LMO7: variants seen among roughly 807,000 people sequenced by gnomAD.
The protein encoded by LMO7 is LIM domain 7.
LMO7 carries 120 observed loss-of-function variants against 206.5 expected under a neutral mutation model. That is an observed-to-expected ratio of 0.58 (90% CI 0.50 to 0.68). The LOEUF (loss-of-function observed/expected upper bound fraction) is 0.68. Ranked by LOEUF, LMO7 falls within the 30% of genes least tolerant of loss-of-function variation. The pLI is 0.00. For synonymous variants in LMO7, 706 were observed against 681.5 expected (o/e 1.04, Z -0.56); for missense variants, 1,959 against 1,957.9 (o/e 1.00, Z -0.01).
intron 3 of LMO7, among the ~76,000 whole-genome samples, chr13:75,733,415 T>C (rs1292085973): frequency 1.3e-5 from 2 of 152,210 alleles, no homozygotes; most frequent in Admixed American, 6.5e-5. Context: ...TCCGTGGGCG[T>C]AGGACCCTCC....
intron 3 of LMO7, among the ~76,000 whole-genome samples, chr13:75,759,644 A>G (rs1365734014): frequency 1.3e-5 from 2 of 152,168 alleles, no homozygotes; most frequent in Non-Finnish European, 2.9e-5. Context: ...CTCACAGTAG[A>G]TTGGAATGAC....
intron 1 of LMO7, among the ~76,000 whole-genome samples, chr13:75,651,565 C>T (rs535058380): frequency 2.0e-5 from 3 of 152,240 alleles, no homozygotes; most frequent in East Asian, 1.9e-4. Flanking sequence ...CTGCCTCAGC[C>T]GATCCACCTG....
chr13:75,791,811 G>A (rs2053323585), intron 4 of LMO7, among the ~76,000 whole-genome samples: 2 of 152,150 alleles, frequency 1.3e-5, no homozygotes, highest in South Asian at 4.1e-4. Flanking sequence ...TCACAGAGTT[G>A]TTGTTCTTTG....
chr13:75,810,790 G>A (rs2056275770), intron 11 of LMO7, among the ~76,000 whole-genome samples: 1 of 152,332 alleles, frequency 6.6e-6, no homozygotes, highest in East Asian at 1.9e-4. Context: ...CATTTCAGTG[G>A]CTGGATGTGT....
chr13:75,838,487 T>A, intron 20 of LMO7: 1 of 534,886 alleles, frequency 1.9e-6, no homozygotes. Flanking sequence ...GAGATGCTCT[T>A]AAACACACAC....
chr13:75,747,153 GA>G (rs111985063), intron 3 of LMO7, among the ~76,000 whole-genome samples: 75 of 151,072 alleles, frequency 5.0e-4, no homozygotes, highest in South Asian at 1.7e-3. Flanking sequence ...ATTTTAGTTG[GA>G]AAAAAAAATC....
chr13:75,628,663 C>T (rs541893078), intron 2 of LMO7: 15 of 152,270 alleles, frequency 9.9e-5, no homozygotes, highest in South Asian at 6.2e-4. Flanking sequence ...TAAGGGCAGA[C>T]GCTTTTTTGA....
At chr13:75,636,130 C>T, upstream of LMO7, 1 of 214,058 alleles carries the variant, frequency 4.7e-6, no homozygotes, top group Non-Finnish European at 8.0e-6. Flanking sequence ...CAGCGGGGCC[C>T]GGGCCGCGGC....
rs1285578295 is a variant in LMO7 at position 75,835,305 on chromosome 13, TAAC to T, written c.3303_3305del (p.Thr1102del). The T allele has an allele frequency of 6.2e-7, 1 of 1,607,316 alleles. No homozygotes were observed. Among genetic ancestry groups the T allele is most frequent in the Admixed American group, 1.7e-5 (1 of 58,942 alleles). On this transcript the variant is annotated inframe_deletion, in exon 18 of 31. Coordinates refer to ENST00000377534, the MANE Select transcript of LMO7 (RefSeq NM_001306080.2). ...TCAGAAAAATCTTCAAATCTATCTGTAACAACTGATTTCTCCGAAAGCCTTCAG... is the reference window on the plus strand; with the variant it reads ...TCAGAAAAATCTTCAAATCTATCTGTAACTGATTTCTCCGAAAGCCTTCAG...
At chr13:75,677,907 C>T (rs2040158548) in intron 1 of LMO7, among the ~76,000 whole-genome samples, 1 of 150,224 alleles carries the variant, frequency 6.7e-6, no homozygotes, top group South Asian at 2.1e-4. Context: ...GTTTTTTGTC[C>T]TTGCGATAGT....
intron 17 of LMO7, among the ~76,000 whole-genome samples, chr13:75,834,604 T>C (rs936356855): frequency 2.6e-5 from 4 of 152,244 alleles, no homozygotes; most frequent in African/African-American, 9.6e-5. Context: ...ACATTATTTA[T>C]TGACTGATTC....
At chr13:75,734,249 A>G (rs780097290) in intron 3 of LMO7, among the ~76,000 whole-genome samples, 6 of 152,218 alleles carry the variant, frequency 3.9e-5, no homozygotes, top group South Asian at 4.1e-4. Flanking sequence ...AGACGGGGTA[A>G]GACATTTCAG....
At chr13:75,768,912 C>T (rs970552704) in intron 4 of LMO7, among the ~76,000 whole-genome samples, 2 of 151,978 alleles carry the variant, frequency 1.3e-5, no homozygotes, top group Non-Finnish European at 2.9e-5. Flanking sequence ...ACACTAACAA[C>T]ATGAAAAATC....
chr13:75,779,648 C>T (rs184390413), intron 4 of LMO7, among the ~76,000 whole-genome samples: 10 of 152,242 alleles, frequency 6.6e-5, no homozygotes, highest in Non-Finnish European at 1.3e-4. Context: ...AGTGCATGTG[C>T]GTGCATGTGC....
chr13:75,760,899 A>T (rs1208561122), intron 3 of LMO7, 33 bp from the exon 4 acceptor site: 1 of 1,611,758 alleles, frequency 6.2e-7, no homozygotes, highest in Non-Finnish European at 8.5e-7. Flanking sequence ...GAGAGAGCTC[A>T]GCTAAGCAAT....
intron 4 of LMO7, among the ~76,000 whole-genome samples, chr13:75,772,491 T>C (rs2049890588): frequency 6.6e-6 from 1 of 152,072 alleles, no homozygotes; most frequent in Non-Finnish European, 1.5e-5. Context: ...AACCACTTTA[T>C]AAGATAGGGT....
intron 2 of LMO7, among the ~76,000 whole-genome samples, chr13:75,713,723 T>G (rs2043303957): frequency 6.6e-6 from 1 of 152,194 alleles, no homozygotes; most frequent in Non-Finnish European, 1.5e-5. Flanking sequence ...TCAATTTGAG[T>G]TGTGGACCAT....
In LMO7 at chr13:75,702,103, C is replaced by CT. The variant is rs1016763389; in HGVS notation, c.70-11069dup. Among the ~76,000 whole-genome samples the CT allele has an allele frequency of 2.0e-3, 291 of 149,092 alleles. 2 individuals are homozygous for CT. The highest frequency in any genetic ancestry group is 0.015 in the Admixed American group (222 of 14,962). Reference sequence around the variant, plus strand: ...TGGACTAGAAATGTTTAAACTTATTCTTTTTTTTTTCCCTCAAAATATGAG... The same window carrying CT: ...TGGACTAGAAATGTTTAAACTTATTCTTTTTTTTTTTCCCTCAAAATATGAG... On this transcript the variant is annotated intron_variant, in intron 1 of 30. Coordinates refer to ENST00000377534, the MANE Select transcript of LMO7 (RefSeq NM_001306080.2).
At position 75,807,924 on chromosome 13, in the gene LMO7, G is replaced by T; in HGVS notation, c.1641G>T (p.Trp547Cys). 6.2e-7 allele frequency: 1 copy of T among 1,613,886 alleles called. No individual in the cohort carries two copies. The highest frequency in any genetic ancestry group is 8.5e-7 in the Non-Finnish European group (1 of 1,179,872). Residue 547 changes from tryptophan (W) to cysteine (C), a missense_variant, in exon 10 of 31, where the codon TGG (tryptophan) becomes TGT (cysteine). By Grantham distance (215) the Trp-to-Cys change is radical. Transcript: ENST00000377534. ...RYHPVPFPEP[W>C]TLPPEIQAKF... ...ACCCAGTCCCTTTTCCCGAACCCTG[G>T]ACTCTTCCTCCAGAAATTCAAGCAA... is the stretch of plus-strand genomic sequence containing the variant.
Sources: allele counts gnomAD v4.1 joint callset (sites outside exome capture counted in the v4.1 genomes callset), GRCh38; gene constraint gnomAD v4.1.1; transcripts MANE v1.5; gene names NCBI Gene and HGNC (gene_info 2026-07-23, HGNC 2026-07-21).